The following FAM135B variants were observed in gnomAD, a reference collection of about 807,000 sequenced individuals.
FAM135B encodes protein FAM135B.
Under a neutral mutation model 127.7 loss-of-function variants are expected in FAM135B, and 43 were observed. That is an observed-to-expected ratio of 0.34 (90% CI 0.26 to 0.43). FAM135B has a LOEUF of 0.43. FAM135B is among the 20% of genes least tolerant of loss of function. The pLI is 1.00. For synonymous variants in FAM135B, 670 were observed against 665.1 expected, an observed-to-expected ratio of 1.01 and a Z score of -0.11; for missense variants, 1,558 against 1,725.6, an observed-to-expected ratio of 0.90 and a Z score of 1.72.
At chr8:138,316,956 G>T (rs1246885622) in intron 2 of FAM135B, among the ~76,000 whole-genome samples, 2 of 151,652 alleles carry the variant, frequency 1.3e-5, no homozygotes, top group Non-Finnish European at 2.9e-5. Context: ...CTCTAGCCTG[G>T]GGGACAGAGC....
At chr8:138,133,064 C>T (rs1469447897) in intron 19 of FAM135B, among the ~76,000 whole-genome samples, 1 of 152,178 alleles carries the variant, frequency 6.6e-6, no homozygotes. Flanking sequence ...TAGCAGTGTT[C>T]GTGTTTCTCA....
chr8:138,435,587 G>T (rs891369879), intron 1 of FAM135B, among the ~76,000 whole-genome samples: 2 of 151,992 alleles, frequency 1.3e-5, no homozygotes, highest in Non-Finnish European at 2.9e-5. Flanking sequence ...AAATACAATA[G>T]CAATATCTAT....
intron 7 of FAM135B, among the ~76,000 whole-genome samples, chr8:138,222,108 G>GGA (rs200089237): frequency 4.0e-5 from 6 of 151,734 alleles, no homozygotes; most frequent in Admixed American, 6.6e-5. Context: ...AAGAGGAGAT[G>GGA]GAGAGAGAGA....
intron 1 of FAM135B, among the ~76,000 whole-genome samples, chr8:138,417,005 G>C (rs564684176): frequency 1.3e-5 from 2 of 152,298 alleles, no homozygotes; most frequent in African/African-American, 4.8e-5. Context: ...GGACATTTAA[G>C]CTGGCAGGAA....
chr8:138,428,740 A>C (rs929757006), intron 1 of FAM135B, among the ~76,000 whole-genome samples: 2 of 152,316 alleles, frequency 1.3e-5, no homozygotes, highest in South Asian at 4.1e-4. Context: ...CTGCCCATTC[A>C]TAACAAAGGG....
At chr8:138,364,821 TA>T (rs1192314304) in intron 2 of FAM135B, among the ~76,000 whole-genome samples, 1 of 152,162 alleles carries the variant, frequency 6.6e-6, no homozygotes, top group African/African-American at 2.4e-5. Flanking sequence ...TAAAAATAGA[TA>T]TTTTATATAT....
chr8:138,281,416 A>G (rs969309776), intron 3 of FAM135B, among the ~76,000 whole-genome samples: 6 of 149,618 alleles, frequency 4.0e-5, no homozygotes, highest in Non-Finnish European at 5.9e-5. Context: ...CCATTGCTCT[A>G]CTCACTCTTC....
intron 11 of FAM135B, among the ~76,000 whole-genome samples, chr8:138,173,990 C>T (rs555089504): frequency 2.0e-5 from 3 of 152,256 alleles, no homozygotes; most frequent in East Asian, 1.9e-4. Context: ...TGACCCGTGG[C>T]GAAAGATGGT....
chr8:138,405,341 G>A (rs376032720), intron 1 of FAM135B, among the ~76,000 whole-genome samples: 1 of 149,842 alleles, frequency 6.7e-6, no homozygotes, highest in Non-Finnish European at 1.5e-5. Flanking sequence ...TTTAGCATTA[G>A]GTATATCTCC....
At chr8:138,258,078 C>G (rs1364100946) in intron 4 of FAM135B, among the ~76,000 whole-genome samples, 1 of 152,066 alleles carries the variant, frequency 6.6e-6, no homozygotes, top group Non-Finnish European at 1.5e-5. Flanking sequence ...TGTAGTGTCC[C>G]CAGTAATCCT....
Position 138,316,319 on chromosome 8 carries a change from C to T in FAM135B, c.78-5399G>A, listed in dbSNP as rs188717504. Among the ~76,000 whole-genome samples the T allele has an allele frequency of 4.2e-4, 64 of 151,416 alleles. No homozygotes were observed. In the East Asian group the frequency reaches 8.0e-3, roughly 19 times the overall value. On this transcript the variant is annotated intron_variant, in intron 2 of 19. Transcript: ENST00000395297. ...CAGGAGATCGAGACCATGGTGAAAC[C>T]CCGTCTCTACTAAAAATACAAAAAA...
intron 1 of FAM135B, among the ~76,000 whole-genome samples, chr8:138,457,646 G>C (rs1460856717): frequency 6.6e-6 from 1 of 152,092 alleles, no homozygotes; most frequent in Non-Finnish European, 1.5e-5. Flanking sequence ...TGCTTTATAG[G>C]ATTTACAACA....
intron 7 of FAM135B, among the ~76,000 whole-genome samples, chr8:138,213,313 G>C (rs909276905): frequency 1.4e-5 from 2 of 147,662 alleles, no homozygotes; most frequent in African/African-American, 5.0e-5. Context: ...TAGTAGCCAC[G>C]GTGAATTAAG....
intron 3 of FAM135B, among the ~76,000 whole-genome samples, chr8:138,272,553 A>C (rs1318350946): frequency 6.6e-6 from 1 of 152,246 alleles, no homozygotes; most frequent in East Asian, 1.9e-4. Context: ...AACAGGAAGC[A>C]TTCTCTCATC....
At chr8:138,314,257 T>C (rs1353116012) in intron 2 of FAM135B, among the ~76,000 whole-genome samples, 1 of 152,188 alleles carries the variant, frequency 6.6e-6, no homozygotes, top group Non-Finnish European at 1.5e-5. Context: ...TTGGCAGAAA[T>C]GTGACCAGAG....
intron 3 of FAM135B, among the ~76,000 whole-genome samples, chr8:138,272,788 G>A (rs1554649396): frequency 2.0e-5 from 3 of 152,182 alleles, no homozygotes; most frequent in Non-Finnish European, 1.5e-5. Flanking sequence ...GTGGTCTCAG[G>A]TATTTCAGTT....
At chr8:138,327,327 A>C (rs75929135) in intron 2 of FAM135B, among the ~76,000 whole-genome samples, 2 of 152,154 alleles carry the variant, frequency 1.3e-5, no homozygotes, top group Admixed American at 6.5e-5. Flanking sequence ...TCCTCCTCCA[A>C]TATTCCTATG....
intron 8 of FAM135B, among the ~76,000 whole-genome samples, chr8:138,197,093 GTGTGTGTGTGTGTGTGTGTGTGTGTATA>G (rs1361110698): frequency 3.3e-5 from 2 of 61,184 alleles, no homozygotes; most frequent in Non-Finnish European, 6.9e-5. Flanking sequence ...GTGTGTGTGT[GTGTGTGTGTGTGTGTGTGTGTGTGTATA>G]TATATAGTTT....
At chr8:138,246,514 C>A (rs1821299874) in intron 6 of FAM135B, among the ~76,000 whole-genome samples, 1 of 152,154 alleles carries the variant, frequency 6.6e-6, no homozygotes, top group Non-Finnish European at 1.5e-5. Context: ...TGATGTTGAG[C>A]CTGCAGGTGC....
Sources: gnomAD v4.1 joint callset for allele counts (sites outside exome capture counted in the v4.1 genomes callset) on GRCh38, gnomAD v4.1.1 for gene constraint, MANE v1.5 for transcripts, NCBI Gene and HGNC (gene_info 2026-07-23, HGNC 2026-07-21) for gene names.